Variants in BMPR1A observed in about 807,000 individuals in gnomAD.
The protein encoded by BMPR1A is bone morphogenetic protein receptor type 1A.
In BMPR1A, 7 loss-of-function variants were observed where a neutral mutation model predicts 66.0. That is an observed-to-expected ratio of 0.11 (90% CI 0.06 to 0.20). BMPR1A has a LOEUF of 0.20. Ranked by LOEUF, BMPR1A falls within the 10% of genes least tolerant of loss-of-function variation. The pLI is 1.00. For missense variants in BMPR1A, 408 were observed against 669.1 expected, an observed-to-expected ratio of 0.61 and a Z score of 4.31; for synonymous variants, 200 against 229.7, an observed-to-expected ratio of 0.87 and a Z score of 1.17.
chr10:86,864,937 G>A lies in BMPR1A; in HGVS notation c.-152-10930G>A, dbSNP rs530775603. 5.3e-5 allele frequency among the ~76,000 whole-genome samples: 8 copies of A among 152,164 alleles called. No individual in the cohort carries two copies. In the East Asian group the frequency reaches 1.5e-3, roughly 29 times the overall value. On this transcript the variant is annotated intron_variant, in intron 2 of 12. Coordinates refer to ENST00000372037, the MANE Select transcript of BMPR1A (RefSeq NM_004329.3). The stretch of plus-strand genomic sequence containing the variant: ...GCCGCCCCTAATCCCGCTTGAAGCA[G>A]CCCTGAGAAACACCGCCCATTCTCT...
intron 1 of BMPR1A, among the ~76,000 whole-genome samples, chr10:86,791,374 G>A (rs763288344): frequency 1.1e-4 from 16 of 151,842 alleles, no homozygotes; most frequent in Non-Finnish European, 2.2e-4. Context: ...CACCATGCCT[G>A]GCTAATTTTT....
intron 2 of BMPR1A, chr10:86,854,749 A>AAT: frequency 4.2e-6 from 1 of 236,710 alleles, no homozygotes; most frequent in Non-Finnish European, 9.3e-6. Context: ...CATCCTCTAT[A>AAT]AAACTCCCTG....
intron 2 of BMPR1A, among the ~76,000 whole-genome samples, chr10:86,873,195 G>A (rs986724865): frequency 1.3e-5 from 2 of 152,134 alleles, no homozygotes; most frequent in Admixed American, 6.5e-5. Flanking sequence ...AAGGCATAGC[G>A]GTCAGTCTCC....
intron 2 of BMPR1A, among the ~76,000 whole-genome samples, chr10:86,867,366 T>G (rs1842799674): frequency 6.6e-6 from 1 of 152,226 alleles, no homozygotes; most frequent in Non-Finnish European, 1.5e-5. Context: ...GTAGTCAACT[T>G]GTACCCATTG....
chr10:86,868,833 A>G (rs1394316717), intron 2 of BMPR1A, among the ~76,000 whole-genome samples: 1 of 143,802 alleles, frequency 7.0e-6, no homozygotes, highest in East Asian at 2.0e-4. Context: ...TTGCTGTTTG[A>G]GGAGTTTTAA....
intron 1 of BMPR1A, among the ~76,000 whole-genome samples, chr10:86,787,215 A>G (rs994892264): frequency 6.6e-6 from 1 of 152,242 alleles, no homozygotes; most frequent in African/African-American, 2.4e-5. Context: ...CACAGAAACA[A>G]ACTTTAAATT....
intron 4 of BMPR1A, among the ~76,000 whole-genome samples, chr10:86,891,909 C>T (rs1450904043): frequency 6.6e-6 from 1 of 152,224 alleles, no homozygotes; most frequent in Non-Finnish European, 1.5e-5. Flanking sequence ...TTCTTCTTGA[C>T]AAAGGGTTGT....
chr10:86,854,867 C>A, intron 2 of BMPR1A: 1 of 236,652 alleles, frequency 4.2e-6, no homozygotes. Context: ...GTTGAGACTC[C>A]CTCCAGGCAG....
At chr10:86,785,448 G>A (rs1395300368) in intron 1 of BMPR1A, among the ~76,000 whole-genome samples, 2 of 152,170 alleles carry the variant, frequency 1.3e-5, no homozygotes, top group Admixed American at 6.5e-5. Flanking sequence ...TGGGATTATA[G>A]GCATGTGCCA....
At position 86,829,356 on chromosome 10, in the gene BMPR1A, T is replaced by C. The variant is rs180812666; in HGVS notation, c.-267-9509T>C. Among the ~76,000 whole-genome samples, 412 of 152,308 alleles carry C rather than the reference T, an allele frequency of 2.7e-3. 1 individual carries two copies. Among genetic ancestry groups the C allele is most frequent in the Non-Finnish European group, 4.0e-3 (272 of 68,030 alleles). ...TTCAAAATTTTTAATTTGAAATAAC[T>C]AGGTTTACAGGAAATTGCAAAAAAT... On this transcript the variant is annotated intron_variant, in intron 1 of 12. Coordinates refer to ENST00000372037, the MANE Select transcript of BMPR1A (RefSeq NM_004329.3).
At chr10:86,777,542 A>T (rs978013525) in intron 1 of BMPR1A, among the ~76,000 whole-genome samples, 2 of 152,104 alleles carry the variant, frequency 1.3e-5, no homozygotes, top group African/African-American at 2.4e-5. Context: ...TCATTGCACC[A>T]CTGTACTCCA....
chr10:86,791,707 C>T (rs184473143), intron 1 of BMPR1A, among the ~76,000 whole-genome samples: 14 of 57,812 alleles, frequency 2.4e-4, no homozygotes, highest in East Asian at 1.9e-3. Context: ...CTCCCTCCCT[C>T]CCTCCCTTCC....
At chr10:86,776,367 C>G (rs1407271923) in intron 1 of BMPR1A, among the ~76,000 whole-genome samples, 2 of 152,072 alleles carry the variant, frequency 1.3e-5, no homozygotes, top group African/African-American at 4.8e-5. Context: ...TACTGTGTAT[C>G]CTGCCTACTC....
chr10:86,922,303 TTGA>T (rs1402971711), intron 11 of BMPR1A, among the ~76,000 whole-genome samples: 1 of 152,362 alleles, frequency 6.6e-6, no homozygotes, highest in Non-Finnish European at 1.5e-5. Flanking sequence ...TGTTCATCTG[TTGA>T]TGGTCACTTA....
chr10:86,889,145 C>G (rs1051974050), intron 3 of BMPR1A, among the ~76,000 whole-genome samples: 1 of 152,098 alleles, frequency 6.6e-6, no homozygotes, highest in African/African-American at 2.4e-5. Flanking sequence ...TTTTTAGTTC[C>G]GTTCTGCTTC....
intron 1 of BMPR1A, among the ~76,000 whole-genome samples, chr10:86,784,262 G>A (rs1260276306): frequency 6.6e-6 from 1 of 152,072 alleles, no homozygotes; most frequent in Non-Finnish European, 1.5e-5. Flanking sequence ...TTATGTTCAG[G>A]TAATTTCCTT....
intron 2 of BMPR1A, among the ~76,000 whole-genome samples, chr10:86,849,703 CAT>C (rs1842539990): frequency 6.6e-6 from 1 of 152,206 alleles, no homozygotes; most frequent in African/African-American, 2.4e-5. Flanking sequence ...TATTGAGTAA[CAT>C]AGAGACTTTC....
chr10:86,895,857 A>G (rs1377871638), intron 5 of BMPR1A, among the ~76,000 whole-genome samples: 2 of 152,158 alleles, frequency 1.3e-5, no homozygotes, highest in South Asian at 2.1e-4. Context: ...GCAGAACCCC[A>G]TCTCTACAAA....
chr10:86,825,160 A>G lies in BMPR1A; in HGVS notation c.-267-13705A>G, dbSNP rs116968307. 1.5e-3 allele frequency among the ~76,000 whole-genome samples: 219 copies of G among 150,898 alleles called. 2 individuals carry two copies. The East Asian group carries it at 0.04, about 28-fold the overall frequency. On this transcript the variant is annotated intron_variant, in intron 1 of 12. Transcript: ENST00000372037. ...ACTCTGTTTCCTAGGCTGGAGTGCA[A>G]TGGCGTGATCATTGCTCACTGCAGC...
Sources: gnomAD v4.1 joint callset for allele counts (sites outside exome capture counted in the v4.1 genomes callset) on GRCh38, gnomAD v4.1.1 for gene constraint, MANE v1.5 for transcripts, NCBI Gene and HGNC (gene_info 2026-07-23, HGNC 2026-07-21) for gene names.